The following ABCC1 variants were observed in gnomAD, a reference collection of about 807,000 sequenced individuals.
The protein encoded by ABCC1 is ATP binding cassette subfamily C member 1 (ABCC1 blood group), also known as multidrug resistance-associated protein 1.
ABCC1 carries 83 observed loss-of-function variants against 172.9 expected under a neutral mutation model. The ratio of observed to expected loss-of-function variants is 0.48; its 90% CI spans 0.40 to 0.58. The LOEUF is 0.58. Ranked by LOEUF, ABCC1 falls within the 20% of genes least tolerant of loss-of-function variation. The pLI, the probability that ABCC1 is intolerant of heterozygous loss-of-function variation, is 0.00. For synonymous variants in ABCC1, 937 were observed against 825.2 expected (o/e 1.14, Z -2.32); for missense variants, 1,817 against 2,002.7 (o/e 0.91, Z 1.77).
intron 1 of ABCC1, among the ~76,000 whole-genome samples, chr16:16,000,402 C>T (rs2047265798): frequency 6.6e-6 from 1 of 151,968 alleles, no homozygotes. Flanking sequence ...GTGTCGGCCT[C>T]CCAAAGTGCC....
At chr16:16,087,774 A>G (rs1280154360) in intron 18 of ABCC1, among the ~76,000 whole-genome samples, 1 of 152,020 alleles carries the variant, frequency 6.6e-6, no homozygotes, top group Non-Finnish European at 1.5e-5. Context: ...TGCTGATTTT[A>G]AAACTAACAC....
chr16:15,995,267 G>A (rs2047017245), intron 1 of ABCC1, among the ~76,000 whole-genome samples: 1 of 152,156 alleles, frequency 6.6e-6, no homozygotes, highest in Non-Finnish European at 1.5e-5. Context: ...AGGATGAAAT[G>A]TAATGTGAAA....
chr16:16,035,919 G>C (rs980420125), intron 6 of ABCC1, among the ~76,000 whole-genome samples: 2 of 151,584 alleles, frequency 1.3e-5, no homozygotes, highest in African/African-American at 4.8e-5. Context: ...TTCAAGACCA[G>C]CTTGGGCAAC....
chr16:16,052,851 GC>G, intron 11 of ABCC1, 35 bp downstream of exon 11: 1 of 1,606,048 alleles, frequency 6.2e-7, no homozygotes, highest in Non-Finnish European at 8.5e-7. Flanking sequence ...CCCAAGCCGG[GC>G]CCTAGGCAGA....
chr16:16,044,519 G>T lies in ABCC1; in HGVS notation c.879G>T (p.Ala293=). ...AQPKESSKVD[A]NEEVEALIVK... is the part of the protein sequence containing the mutation. The stretch of plus-strand genomic sequence containing the variant: ...CGAAAGAGAGTTCCAAGGTGGATGC[G>T]AATGAGGAGGTGGAGGCTTTGATCG... Residue 293 remains alanine (A), a synonymous_variant, in exon 8 of 31, where the codon GCG becomes GCT. Coordinates refer to ENST00000399410, the MANE Select transcript of ABCC1 (RefSeq NM_004996.4). 6.2e-7 allele frequency: 1 copy of T among 1,614,182 alleles called. No homozygotes were observed.
intron 1 of ABCC1, among the ~76,000 whole-genome samples, chr16:15,950,527 C>T (rs550241059): frequency 6.6e-6 from 1 of 152,290 alleles, no homozygotes; most frequent in East Asian, 1.9e-4. Flanking sequence ...TGGAGCTCCT[C>T]TCTGGGGATG....
In ABCC1 at chr16:16,132,521, T is replaced by TTG. The variant is rs1567441503; in HGVS notation, c.3966+587_3966+588insGT. 6.4e-5 allele frequency among the ~76,000 whole-genome samples: 6 copies of TTG among 93,922 alleles called. No homozygotes were observed. The East Asian group carries it at 1.1e-3, about 17-fold the overall frequency. 61.6% of individuals were successfully genotyped at this position (93,922 alleles called of 152,430 possible). On this transcript the variant is annotated intron_variant, in intron 27 of 30. Transcript: ENST00000399410. ...TTTTTTGGTTGGTTGTTTTTTTTTT[T>TTG]TTTTTTTTTTTTTTTTTTGAGATGG...
intron 30 of ABCC1, among the ~76,000 whole-genome samples, chr16:16,140,935 T>C (rs1318140345): frequency 6.6e-6 from 1 of 152,228 alleles, no homozygotes; most frequent in Non-Finnish European, 1.5e-5. Flanking sequence ...ACACTGTTAA[T>C]ACCATTCACA....
chr16:16,009,383 C>A (rs45609835), intron 2 of ABCC1, among the ~76,000 whole-genome samples: 161 of 152,274 alleles, frequency 1.1e-3, no homozygotes, highest in African/African-American at 3.8e-3. Flanking sequence ...ACATATCCCA[C>A]CCGTAGAGGG....
intron 13 of ABCC1, 152 bp downstream of exon 13, chr16:16,068,454 A>G (rs1271266405): frequency 2.2e-6 from 2 of 897,318 alleles, no homozygotes; most frequent in Non-Finnish European, 3.4e-6. Flanking sequence ...TCGTCTGGTC[A>G]TGCCTGAAAG....
At chr16:15,991,790 G>A (rs958889805) in intron 1 of ABCC1, among the ~76,000 whole-genome samples, 2 of 152,110 alleles carry the variant, frequency 1.3e-5, no homozygotes, top group African/African-American at 4.8e-5. Flanking sequence ...CAGTGGCCTT[G>A]AACCATGCTT....
chr16:16,010,221 AT>A (rs1347249494), intron 3 of ABCC1, among the ~76,000 whole-genome samples: 1 of 151,474 alleles, frequency 6.6e-6, no homozygotes, highest in Admixed American at 6.6e-5. Context: ...TTTTTGGCTA[AT>A]TTTAAATTTT....
At chr16:15,983,552 CTTT>C (rs11416710) in intron 1 of ABCC1, among the ~76,000 whole-genome samples, 1 of 126,554 alleles carries the variant, frequency 7.9e-6, no homozygotes, top group Admixed American at 8.6e-5. Context: ...GTACACCACA[CTTT>C]TTTTTTTTTT....
chr16:16,010,706 T>C (rs1342692186), intron 3 of ABCC1, among the ~76,000 whole-genome samples: 1 of 152,220 alleles, frequency 6.6e-6, no homozygotes, highest in Non-Finnish European at 1.5e-5. Flanking sequence ...TTCACGTGTC[T>C]TGAAATTCAT....
chr16:16,098,464 C>T (rs149117449), intron 19 of ABCC1, among the ~76,000 whole-genome samples: 16 of 152,276 alleles, frequency 1.1e-4, no homozygotes, highest in African/African-American at 3.6e-4. Flanking sequence ...ACTAAAAATA[C>T]GAAAATTAGC....
chr16:15,979,830 G>T (rs985773426), intron 1 of ABCC1, among the ~76,000 whole-genome samples: 1 of 152,076 alleles, frequency 6.6e-6, no homozygotes, highest in Non-Finnish European at 1.5e-5. Flanking sequence ...ACCTGGTGTG[G>T]TGTGTGCCTG....
intron 14 of ABCC1, among the ~76,000 whole-genome samples, chr16:16,073,447 C>T (rs529932375): frequency 6.6e-6 from 1 of 152,184 alleles, no homozygotes; most frequent in Non-Finnish European, 1.5e-5. Flanking sequence ...GCATGATTGT[C>T]AGCCTTATTT....
intron 16 of ABCC1, 36 bp from the exon 17 acceptor site, chr16:16,083,330 G>A (rs1243323415): frequency 1.2e-6 from 2 of 1,604,256 alleles, no homozygotes; most frequent in Admixed American, 3.3e-5. Flanking sequence ...ATCTGTCTGT[G>A]TGTCTGTCTC....
intron 14 of ABCC1, among the ~76,000 whole-genome samples, chr16:16,072,302 T>C (rs1391986427): frequency 1.3e-5 from 2 of 151,748 alleles, no homozygotes; most frequent in Non-Finnish European, 2.9e-5. Flanking sequence ...GACCTTAGCC[T>C]CCCAAGTAGC....
Sources: allele counts gnomAD v4.1 joint callset (sites outside exome capture counted in the v4.1 genomes callset), GRCh38; gene constraint gnomAD v4.1.1; transcripts MANE v1.5; gene names NCBI Gene and HGNC (gene_info 2026-07-23, HGNC 2026-07-21).